Variants in HSDL2 observed in about 807,000 individuals in gnomAD.
HSDL2 encodes hydroxysteroid dehydrogenase like 2.
A neutral mutation model predicts 46.3 loss-of-function variants in HSDL2; 27 were observed. The ratio of observed to expected loss-of-function variants is 0.58; its 90% CI spans 0.43 to 0.80. HSDL2 has a LOEUF of 0.80. Among genes scored for constraint, HSDL2 ranks in the 30% least tolerant of loss-of-function variants. The pLI, the probability that HSDL2 is intolerant of heterozygous loss-of-function variation, is 0.00. For missense variants in HSDL2, 451 were observed against 502.7 expected, an observed-to-expected ratio of 0.90 and a Z score of 0.98; for synonymous variants, 153 against 163.6, an observed-to-expected ratio of 0.94 and a Z score of 0.50.
At chr9:112,449,008 G>GT (rs966555165) in intron 8 of HSDL2, among the ~76,000 whole-genome samples, 7 of 12,906 alleles carry the variant, frequency 5.4e-4, no homozygotes, top group African/African-American at 1.3e-3. Context: ...TTCAAAACCT[G>GT]TTTGAGTTGA....
Position 112,438,587 on chromosome 9 carries a change from A to G in HSDL2, c.755A>G (p.Glu252Gly), listed in dbSNP as rs377335524. The change falls in exon 7 of 11, where the codon GAA (glutamate) becomes GGA (glycine). Residue 252 changes from glutamate to glycine, a missense_variant. Transcript: ENST00000398805. The stretch of plus-strand genomic sequence containing the variant: ...ATTGATGAAAATATCTTAAAAGAAG[A>G]AGGAATAGAAAATTTTGACGTTTAT... Reference protein sequence around the residue: ...FVIDENILKEEGIENFDVYAI... With the variant: ...FVIDENILKEGGIENFDVYAI... 5 of 1,604,558 alleles carry G rather than the reference A, an allele frequency of 3.1e-6. No individual in the cohort carries two copies. In the African/African-American group the frequency reaches 5.4e-5, roughly 17 times the overall value.
chr9:112,458,023 A>G (rs1316133895), intron 9 of HSDL2, among the ~76,000 whole-genome samples: 1 of 152,054 alleles, frequency 6.6e-6, no homozygotes, highest in Non-Finnish European at 1.5e-5. Flanking sequence ...AAGTCATTTA[A>G]TCCTTTACAT....
chr9:112,412,119 T>A (rs1342328292), intron 4 of HSDL2, among the ~76,000 whole-genome samples: 1 of 152,192 alleles, frequency 6.6e-6, no homozygotes, highest in Admixed American at 6.5e-5. Context: ...AAAGAAATGC[T>A]CTTTGGAACA....
At chr9:112,421,878 A>C (rs540366360) in intron 6 of HSDL2, among the ~76,000 whole-genome samples, 2 of 152,180 alleles carry the variant, frequency 1.3e-5, no homozygotes, top group Non-Finnish European at 2.9e-5. Context: ...GGAATGAGTA[A>C]GACTTGATTC....
At position 112,441,718 on chromosome 9, in the gene HSDL2, T is replaced by G. The variant is rs529593340; in HGVS notation, c.813T>G (p.Asp271Glu). ...AIKPGHPLQPDFFLDEYPEAV... is the reference protein window; with the variant it reads ...AIKPGHPLQPEFFLDEYPEAV... Reference sequence around the variant, plus strand: ...TTTCAGGTCATCCTTTGCAACCAGATTTCTTCTTAGATGAATACCCAGAAG... The same window carrying G: ...TTTCAGGTCATCCTTTGCAACCAGAGTTCTTCTTAGATGAATACCCAGAAG... Residue 271 changes from aspartate (D) to glutamate (E), a missense_variant, in exon 8 of 11, where the codon GAT becomes GAG. Transcript: ENST00000398805. 1.1e-5 allele frequency: 18 copies of G among 1,612,996 alleles called. No individual in the cohort carries two copies. In the South Asian group the frequency reaches 1.9e-4, roughly 17 times the overall value.
At chr9:112,437,396 T>C (rs1233622574) in intron 6 of HSDL2, among the ~76,000 whole-genome samples, 1 of 152,154 alleles carries the variant, frequency 6.6e-6, no homozygotes, top group Non-Finnish European at 1.5e-5. Flanking sequence ...CTTTCATTGA[T>C]TCTGAGATGC....
At chr9:112,409,317 G>A (rs1470720911) in intron 4 of HSDL2, among the ~76,000 whole-genome samples, 1 of 152,064 alleles carries the variant, frequency 6.6e-6, no homozygotes, top group Non-Finnish European at 1.5e-5. Flanking sequence ...AGCCTCCTGA[G>A]TAGCTGGGAT....
At chr9:112,380,967 A>G (rs1488200268) in intron 1 of HSDL2, among the ~76,000 whole-genome samples, 4 of 152,212 alleles carry the variant, frequency 2.6e-5, no homozygotes, top group African/African-American at 9.7e-5. Context: ...ATAGCCAAAG[A>G]CTTAAAACAG....
chr9:112,382,248 G>C (rs1831115516), intron 1 of HSDL2, among the ~76,000 whole-genome samples: 1 of 152,198 alleles, frequency 6.6e-6, no homozygotes, highest in Non-Finnish European at 1.5e-5. Flanking sequence ...CTGCGAGAGA[G>C]AGTGAGAGTC....
chr9:112,407,408 G>C (rs1831755528), intron 3 of HSDL2, among the ~76,000 whole-genome samples: 1 of 150,410 alleles, frequency 6.6e-6, no homozygotes, highest in Admixed American at 6.6e-5. Flanking sequence ...TATTCATTCA[G>C]TTTTAGTTCT....
chr9:112,382,264 CAAAAAG>C (rs1831116473), intron 1 of HSDL2, among the ~76,000 whole-genome samples: 1 of 151,834 alleles, frequency 6.6e-6, no homozygotes, highest in Non-Finnish European at 1.5e-5. Flanking sequence ...GAGTCTGTCT[CAAAAAG>C]AAAAAAGAGG....
At chr9:112,416,806 TATTAA>T (rs1209547037) in intron 4 of HSDL2, 30 bp from the exon 5 acceptor site, 10 of 999,414 alleles carry the variant, frequency 1.0e-5, no homozygotes, top group Non-Finnish European at 1.6e-5. Flanking sequence ...GTTAGAAAGC[TATTAA>T]ATTTGGCTTG....
intron 6 of HSDL2, among the ~76,000 whole-genome samples, chr9:112,420,938 G>C (rs1424475585): frequency 7.4e-6 from 1 of 135,370 alleles, no homozygotes; most frequent in Admixed American, 7.7e-5. Flanking sequence ...AATTAAATGA[G>C]CGCTGGTAAT....
At chr9:112,417,303 G>A (rs1832015217) in intron 5 of HSDL2, among the ~76,000 whole-genome samples, 1 of 151,868 alleles carries the variant, frequency 6.6e-6, no homozygotes, top group Non-Finnish European at 1.5e-5. Context: ...TATAAAGTTG[G>A]TTAAAAACTA....
At chr9:112,448,135 T>G (rs922794035) in intron 8 of HSDL2, among the ~76,000 whole-genome samples, 2 of 152,234 alleles carry the variant, frequency 1.3e-5, no homozygotes, top group African/African-American at 2.4e-5. Context: ...TACATCATAT[T>G]GTACATTTGA....
chr9:112,461,603 C>T (rs1367198587), intron 10 of HSDL2, among the ~76,000 whole-genome samples: 1 of 152,222 alleles, frequency 6.6e-6, no homozygotes, highest in African/African-American at 2.4e-5. Context: ...TTATTTATTG[C>T]ATGATTGCTA....
In HSDL2 at chr9:112,470,581, A is replaced by G. The variant is rs199585830; in HGVS notation, c.*37A>G. 4.1e-5 allele frequency: 45 copies of G among 1,106,972 alleles called. No individual in the cohort carries two copies. The highest frequency in any genetic ancestry group is 5.2e-5 in the Non-Finnish European group (39 of 751,736). The allele number at this position is 1,106,972 out of a possible 1,614,324, so 68.6% of individuals were successfully genotyped here. The stretch of plus-strand genomic sequence containing the variant: ...AAAAAAAAGTCGACTGCTATGCTCA[A>G]AAAGTAAAAAAAGCTCAACAGTTAA... On this transcript the variant is annotated 3_prime_UTR_variant, in exon 11 of 11. Transcript: ENST00000398805.
intron 5 of HSDL2, among the ~76,000 whole-genome samples, chr9:112,417,289 C>T (rs1036771049): frequency 3.3e-5 from 5 of 151,966 alleles, no homozygotes; most frequent in Admixed American, 2.0e-4. Context: ...GTAATTTATT[C>T]ATCTATAAAG....
chr9:112,459,809 A>G (rs1193379975), intron 10 of HSDL2, among the ~76,000 whole-genome samples: 3 of 152,186 alleles, frequency 2.0e-5, no homozygotes, highest in African/African-American at 2.4e-5. Context: ...CAGTAATATA[A>G]TGTTGGGAAC....
Sources: allele counts gnomAD v4.1 joint callset (sites outside exome capture counted in the v4.1 genomes callset), GRCh38; gene constraint gnomAD v4.1.1; transcripts MANE v1.5; gene names NCBI Gene and HGNC (gene_info 2026-07-23, HGNC 2026-07-21).